Variants in SCHIP1 observed in about 807,000 individuals in gnomAD.
SCHIP1 encodes the protein schwannomin interacting protein 1, also known as schwannomin-interacting protein 1.
In SCHIP1, 8 loss-of-function variants were observed where a neutral mutation model predicts 29.7. That is an observed-to-expected ratio of 0.27 (90% CI 0.16 to 0.49). SCHIP1 has a LOEUF of 0.49. Among genes scored for constraint, SCHIP1 ranks in the 20% least tolerant of loss-of-function variants. SCHIP1 has a pLI of 0.99. For synonymous variants in SCHIP1, 76 were observed against 94.9 expected (o/e 0.80, Z 1.16); for missense variants, 193 against 294.6 (o/e 0.66, Z 2.52).
At chr3:159,356,762 T>C in the SCHIP1 span, among the ~76,000 whole-genome samples, 1,207 of 152,312 alleles carry the variant, frequency 7.9e-3, 19 homozygotes, top group African/African-American at 0.027. Flanking sequence ...TGACTCATTC[T>C]TGTTTTCACT....
chr3:159,385,139 C>A, the SCHIP1 span, among the ~76,000 whole-genome samples: 1 of 152,160 alleles, frequency 6.6e-6, no homozygotes, highest in South Asian at 2.1e-4. Flanking sequence ...ATTGATACCA[C>A]AACTTAGATC....
chr3:159,366,473 T>C, the SCHIP1 span, among the ~76,000 whole-genome samples: 1 of 152,228 alleles, frequency 6.6e-6, no homozygotes, highest in Non-Finnish European at 1.5e-5. Context: ...TGTCAGCACT[T>C]GCGTCTGTGC....
the SCHIP1 span, among the ~76,000 whole-genome samples, chr3:159,605,669 AC>A: frequency 6.6e-6 from 1 of 152,310 alleles, no homozygotes; most frequent in Non-Finnish European, 1.5e-5. Flanking sequence ...AAAAACAGCT[AC>A]GTTAAAGTTT....
the SCHIP1 span, among the ~76,000 whole-genome samples, chr3:159,390,441 C>A: frequency 1.3e-5 from 2 of 151,960 alleles, no homozygotes; most frequent in African/African-American, 4.8e-5. Flanking sequence ...GAAACGTTTT[C>A]TGGACGTTCT....
At chr3:159,440,162 CT>C in the SCHIP1 span, among the ~76,000 whole-genome samples, 1 of 152,140 alleles carries the variant, frequency 6.6e-6, no homozygotes, top group Non-Finnish European at 1.5e-5. Flanking sequence ...ACAGGGAATC[CT>C]TTTCCCATTG....
the SCHIP1 span, among the ~76,000 whole-genome samples, chr3:159,800,455 C>T: frequency 6.6e-6 from 1 of 152,296 alleles, no homozygotes; most frequent in East Asian, 1.9e-4. Context: ...AACTCAGACA[C>T]TTAAAGGGGC....
At chr3:159,694,572 GAAAGAAAGA>G in the SCHIP1 span, among the ~76,000 whole-genome samples, 1 of 148,804 alleles carries the variant, frequency 6.7e-6, no homozygotes, top group East Asian at 2.0e-4. Flanking sequence ...AAGAAAGAAA[GAAAGAAAGA>G]AAGAAAGAAA....
rs1013794769 is a variant in SCHIP1, at chr3:159,861,379, A to G, written c.31-4784A>G. Reference sequence around the variant, plus strand: ...TGCTGAACATTTTGCTCTTTATTTCATTACTGAATGCCCCTCTTTGTTCTT... The same window carrying G: ...TGCTGAACATTTTGCTCTTTATTTCGTTACTGAATGCCCCTCTTTGTTCTT... On this transcript the variant is annotated intron_variant, in intron 1 of 6. Coordinates refer to ENST00000445224, the Ensembl canonical transcript of SCHIP1. This position sits in a 1 kb window ranked among gnomAD's most constrained non-coding sequence, Gnocchi z 4.1. Among the ~76,000 whole-genome samples the G allele has an allele frequency of 2.0e-5, 3 of 152,234 alleles. No individual in the cohort carries two copies. The highest frequency in any genetic ancestry group is 7.2e-5 in the African/African-American group (3 of 41,462).
the SCHIP1 span, among the ~76,000 whole-genome samples, chr3:159,389,920 A>ATGAATTACTCCATATAAATACAATCGACT: frequency 6.6e-6 from 1 of 152,048 alleles, no homozygotes; most frequent in Non-Finnish European, 1.5e-5. Flanking sequence ...AGGAATGCAA[A>ATGAATTACTCCATATAAATACAATCGACT]TGAATTACTC....
the SCHIP1 span, among the ~76,000 whole-genome samples, chr3:159,487,994 T>C: frequency 3.9e-5 from 6 of 152,340 alleles, no homozygotes; most frequent in East Asian, 1.2e-3. Flanking sequence ...AGTCACAGTT[T>C]TCCTGGGGGC....
chr3:159,534,550 C>T, the SCHIP1 span, among the ~76,000 whole-genome samples: 12 of 152,174 alleles, frequency 7.9e-5, 1 homozygote, highest in Non-Finnish European at 7.4e-5. Flanking sequence ...CTCAAGTTGC[C>T]TTGGGTGTTA....
At chr3:159,364,189 C>A in the SCHIP1 span, among the ~76,000 whole-genome samples, 53 of 152,170 alleles carry the variant, frequency 3.5e-4, no homozygotes, top group East Asian at 8.1e-3. Context: ...ATAAGAACTG[C>A]GTATTAGGGA....
the SCHIP1 span, among the ~76,000 whole-genome samples, chr3:159,610,095 T>C: frequency 1.3e-5 from 2 of 152,302 alleles, no homozygotes; most frequent in East Asian, 1.9e-4. Context: ...AGGAATCCCA[T>C]GCTCAGACAG....
chr3:159,856,058 C>T (rs1713320253), intron 1 of SCHIP1, among the ~76,000 whole-genome samples: 1 of 152,160 alleles, frequency 6.6e-6, no homozygotes, highest in African/African-American at 2.4e-5. Context: ...CAGACCTTAG[C>T]AGAATCCGAG....
chr3:159,491,051 A>T, the SCHIP1 span, among the ~76,000 whole-genome samples: 1 of 152,208 alleles, frequency 6.6e-6, no homozygotes, highest in Admixed American at 6.5e-5. Context: ...CCTTTTGCAA[A>T]TTCTGGGCAG....
chr3:159,697,763 A>G, the SCHIP1 span, among the ~76,000 whole-genome samples: 2 of 152,226 alleles, frequency 1.3e-5, no homozygotes, highest in Non-Finnish European at 2.9e-5. Context: ...TCTAAAAAAA[A>G]AAGTTGGGCC....
the SCHIP1 span, among the ~76,000 whole-genome samples, chr3:159,802,896 C>G: frequency 6.6e-6 from 1 of 152,048 alleles, no homozygotes; most frequent in Non-Finnish European, 1.5e-5. Flanking sequence ...TTTTTTCAAT[C>G]CTGCTCATCC....
At chr3:159,766,326 G>A in the SCHIP1 span, among the ~76,000 whole-genome samples, 5 of 152,204 alleles carry the variant, frequency 3.3e-5, no homozygotes, top group African/African-American at 4.8e-5. Context: ...GGTTCTATCA[G>A]AGAGCGCCCT....
intron 6 of SCHIP1, 131 bp downstream of exon 7, chr3:159,892,321 G>A (rs958307231): frequency 1.4e-5 from 15 of 1,051,114 alleles, no homozygotes; most frequent in African/African-American, 1.1e-4. Flanking sequence ...CTTTTCTGGT[G>A]CCAGCTGTTC....
Sources: gnomAD v4.1 joint callset for allele counts (sites outside exome capture counted in the v4.1 genomes callset) on GRCh38, gnomAD v4.1.1 for gene constraint, Gnocchi (gnomAD v3.1) non-coding constraint, MANE v1.5 for transcripts, NCBI Gene and HGNC (gene_info 2026-07-23, HGNC 2026-07-21) for gene names.